RANBP17: variants seen among roughly 807,000 people sequenced by gnomAD.
The protein encoded by RANBP17 is ran-binding protein 17.
Under a neutral mutation model 141.2 loss-of-function variants are expected in RANBP17, and 158 were observed. That is an observed-to-expected ratio of 1.12 (90% CI 0.98 to 1.28). RANBP17 has a LOEUF of 1.28. RANBP17 is among the 50% of genes most tolerant of loss of function. The probability of loss-of-function intolerance (pLI) is 0.00; values close to 1 mark genes in which losing one functional copy is unlikely to be tolerated. For missense variants in RANBP17, 1,438 were observed against 1,290.7 expected (o/e 1.11, Z -1.75); for synonymous variants, 430 against 450.0 (o/e 0.96, Z 0.56).
chr5:170,882,380 A>T (rs1768784590), intron 3 of RANBP17, among the ~76,000 whole-genome samples: 1 of 152,138 alleles, frequency 6.6e-6, no homozygotes, highest in Non-Finnish European at 1.5e-5. Context: ...ATGCCCGGCC[A>T]AAAAAGCATT....
intron 5 of RANBP17, among the ~76,000 whole-genome samples, chr5:170,904,885 A>G (rs1221627190): frequency 3.3e-5 from 5 of 152,168 alleles, no homozygotes; most frequent in Non-Finnish European, 5.9e-5. Context: ...CATAATATAA[A>G]TATTTCTGTG....
intron 14 of RANBP17, among the ~76,000 whole-genome samples, chr5:171,165,291 C>T (rs1759613917): frequency 1.3e-5 from 2 of 152,036 alleles, no homozygotes; most frequent in South Asian, 4.1e-4. Context: ...AAACAATTCT[C>T]CTGTCTCAGC....
intron 14 of RANBP17, among the ~76,000 whole-genome samples, chr5:170,979,737 G>T (rs1777630653): frequency 6.6e-6 from 1 of 152,250 alleles, no homozygotes; most frequent in Admixed American, 6.5e-5. Context: ...GGAACTGTAA[G>T]TCCAGTAAAC....
chr5:170,906,938 G>A (rs1581115820), intron 5 of RANBP17, among the ~76,000 whole-genome samples: 1 of 152,070 alleles, frequency 6.6e-6, no homozygotes, highest in Middle Eastern at 3.4e-3. Flanking sequence ...GAAAAATATA[G>A]ATGGCTTCTG....
At chr5:170,880,997 A>G (rs560293407) in intron 2 of RANBP17, among the ~76,000 whole-genome samples, 1 of 152,348 alleles carries the variant, frequency 6.6e-6, no homozygotes, top group East Asian at 1.9e-4. Context: ...CGTGGCATGA[A>G]AGCAGCCATA....
intron 14 of RANBP17, among the ~76,000 whole-genome samples, chr5:171,086,254 G>A (rs1785644100): frequency 1.5e-5 from 2 of 137,710 alleles, no homozygotes; most frequent in African/African-American, 5.4e-5. Context: ...CTGTTTATAT[G>A]CTGGATTACA....
chr5:170,927,753 A>G (rs1299340079), intron 12 of RANBP17, among the ~76,000 whole-genome samples: 2 of 152,068 alleles, frequency 1.3e-5, no homozygotes, highest in Non-Finnish European at 2.9e-5. Flanking sequence ...TTGCCTTACC[A>G]TAGTTTATCC....
At chr5:171,009,931 A>C (rs1454221725) in intron 14 of RANBP17, among the ~76,000 whole-genome samples, 1 of 152,126 alleles carries the variant, frequency 6.6e-6, no homozygotes, top group Non-Finnish European at 1.5e-5. Context: ...CATTTATCTG[A>C]CTTATTCTTT....
intron 12 of RANBP17, among the ~76,000 whole-genome samples, chr5:170,930,376 T>C (rs1773258863): frequency 6.6e-6 from 1 of 151,638 alleles, no homozygotes; most frequent in South Asian, 2.1e-4. Flanking sequence ...TTATTATTAC[T>C]TTTTTCTAAT....
rs141964301 is a variant in RANBP17 at position 170,936,260 on chromosome 5, C to T, written c.1468+11710C>T. ...GCGCTTCCAGGGTGAGGCAATGCCCCGCCGTGCTAGGTGGGCTGCACCGAC... is the reference window on the plus strand; with the variant it reads ...GCGCTTCCAGGGTGAGGCAATGCCCTGCCGTGCTAGGTGGGCTGCACCGAC... On this transcript the variant is annotated intron_variant, in intron 12 of 27. Coordinates refer to ENST00000523189, the MANE Select transcript of RANBP17 (RefSeq NM_022897.5). Among the ~76,000 whole-genome samples, 567 of 152,170 alleles carry T rather than the reference C, an allele frequency of 3.7e-3. 3 individuals are homozygous for T. The highest frequency in any genetic ancestry group is 0.024 in the South Asian group (115 of 4,814).
intron 13 of RANBP17, among the ~76,000 whole-genome samples, chr5:170,962,486 CTATGCAA>C (rs1245557896): frequency 6.6e-6 from 1 of 152,100 alleles, no homozygotes; most frequent in African/African-American, 2.4e-5. Flanking sequence ...AAGGGAGATC[CTATGCAA>C]TGAAGAATTT....
rs773985499 is a variant in RANBP17 at position 170,924,483 on chromosome 5, T to G, written c.1401T>G (p.Asn467Lys). Residue 467 changes from asparagine to lysine, a missense_variant, in exon 12 of 28, where the codon AAT (asparagine) becomes AAG (lysine). Transcript: ENST00000523189. ...CALLVQLFDQ[N>K]AQNYQKLLHP... is the part of the protein sequence containing the mutation. Reference sequence around the variant, plus strand: ...TTCTTGTGCAGTTATTCGACCAAAATGCACAGAATTACCAAAAACTTCTGC... The same window carrying G: ...TTCTTGTGCAGTTATTCGACCAAAAGGCACAGAATTACCAAAAACTTCTGC... 2 of 1,613,278 alleles carry G rather than the reference T, an allele frequency of 1.2e-6. No homozygotes were observed. The highest frequency in any genetic ancestry group is 4.5e-5 in the East Asian group (2 of 44,868).
At chr5:170,928,594 G>T (rs1316212840) in intron 12 of RANBP17, among the ~76,000 whole-genome samples, 1 of 151,950 alleles carries the variant, frequency 6.6e-6, no homozygotes, top group Non-Finnish European at 1.5e-5. Flanking sequence ...CTCCCCCATT[G>T]AATCACTATG....
At chr5:171,266,244 C>T (rs184091491) in intron 25 of RANBP17, among the ~76,000 whole-genome samples, 2 of 152,226 alleles carry the variant, frequency 1.3e-5, no homozygotes, top group Admixed American at 1.3e-4. Flanking sequence ...TGCTGGGCTC[C>T]TAGTGTATGC....
In RANBP17 at chr5:170,982,266, T is replaced by C. The variant is rs988490289; in HGVS notation, c.1710+13889T>C. Among the ~76,000 whole-genome samples the C allele has an allele frequency of 4.5e-5, 6 of 133,304 alleles. No individual in the cohort carries two copies. In the Admixed American group the frequency reaches 4.6e-4, roughly 10 times the overall value. The allele number at this position is 133,304 out of a possible 152,430, so 87.5% of individuals were successfully genotyped here. A position where few individuals can be genotyped will look rare whatever the true frequency, so the allele number is the denominator to read the frequency against. On this transcript the variant is annotated intron_variant, in intron 14 of 27. Coordinates refer to ENST00000523189, the MANE Select transcript of RANBP17 (RefSeq NM_022897.5). ...ATCCTCAATTTTAAAATCAGCCTGC[T>C]TATGACCCTACAGTGAGGTTTACTG...
chr5:171,023,762 G>C (rs1433654813), intron 14 of RANBP17, among the ~76,000 whole-genome samples: 2 of 152,112 alleles, frequency 1.3e-5, no homozygotes, highest in East Asian at 3.9e-4. Flanking sequence ...CTTAGACTCT[G>C]AACTCTTATC....
intron 14 of RANBP17, among the ~76,000 whole-genome samples, chr5:171,050,749 G>A (rs538672088): frequency 2.6e-5 from 4 of 152,096 alleles, no homozygotes; most frequent in African/African-American, 9.6e-5. Flanking sequence ...TACCCTTTCT[G>A]TTTTCTTTCA....
At chr5:170,901,847 C>A (rs1316806516) in intron 5 of RANBP17, among the ~76,000 whole-genome samples, 1 of 152,136 alleles carries the variant, frequency 6.6e-6, no homozygotes, top group Non-Finnish European at 1.5e-5. Flanking sequence ...TGAATATTGG[C>A]CCCCACTCTC....
intron 25 of RANBP17, among the ~76,000 whole-genome samples, chr5:171,277,665 A>ATT: frequency 7.4e-6 from 1 of 135,166 alleles, no homozygotes; most frequent in Non-Finnish European, 1.6e-5. Flanking sequence ...ATATATATAT[A>ATT]TATTTATGTC....
Sources: allele counts gnomAD v4.1 joint callset (sites outside exome capture counted in the v4.1 genomes callset), GRCh38; gene constraint gnomAD v4.1.1; transcripts MANE v1.5; gene names NCBI Gene and HGNC (gene_info 2026-07-23, HGNC 2026-07-21).